The following SLC26A4 variants were observed in gnomAD, a reference collection of about 807,000 sequenced individuals.
The protein encoded by SLC26A4 is pendrin.
A neutral mutation model predicts 90.4 loss-of-function variants in SLC26A4; 93 were observed. The ratio of observed to expected loss-of-function variants is 1.03; its 90% CI spans 0.87 to 1.22. The LOEUF (loss-of-function observed/expected upper bound fraction) is 1.22. Ranked by LOEUF, SLC26A4 falls within the 50% of genes most tolerant of loss-of-function variation. The pLI, the probability that SLC26A4 is intolerant of heterozygous loss-of-function variation, is 0.00. For synonymous variants in SLC26A4, 393 were observed against 354.6 expected (o/e 1.11, Z -1.22); for missense variants, 1,127 against 946.2 (o/e 1.19, Z -2.51).
chr7:107,696,283 A>G (rs1393707957), intron 13 of SLC26A4, among the ~76,000 whole-genome samples: 2 of 152,226 alleles, frequency 1.3e-5, no homozygotes, highest in Non-Finnish European at 2.9e-5. Context: ...GCTAAGAAGC[A>G]TCCCTAAGAT....
chr7:107,671,654 A>G (rs1486654461), intron 3 of SLC26A4, among the ~76,000 whole-genome samples: 2 of 152,246 alleles, frequency 1.3e-5, no homozygotes, highest in African/African-American at 2.4e-5. Flanking sequence ...AGACCAACTC[A>G]GGACAGGCTG....
chr7:107,663,610 TG>T (rs1790631881), intron 3 of SLC26A4, among the ~76,000 whole-genome samples, 175 bp downstream of exon 3: 1 of 152,188 alleles, frequency 6.6e-6, no homozygotes, highest in Non-Finnish European at 1.5e-5. Context: ...GTTCTCTTCC[TG>T]GGAAACTGCT....
intron 8 of SLC26A4, among the ~76,000 whole-genome samples, chr7:107,686,277 C>T (rs1361347830): frequency 7.3e-6 from 1 of 136,964 alleles, no homozygotes; most frequent in East Asian, 2.4e-4. Context: ...TCCTTCCCTC[C>T]CTTCCCTCCC....
chr7:107,686,635 A>G (rs916005873), intron 8 of SLC26A4, among the ~76,000 whole-genome samples: 3 of 151,894 alleles, frequency 2.0e-5, no homozygotes, highest in Non-Finnish European at 2.9e-5. Flanking sequence ...CAACAGGCAC[A>G]CACTGCCATG....
intron 12 of SLC26A4, among the ~76,000 whole-genome samples, chr7:107,695,294 C>T (rs953236967): frequency 1.4e-4 from 21 of 151,790 alleles, no homozygotes; most frequent in Admixed American, 2.6e-4. Flanking sequence ...GAAATAAAAG[C>T]GGATACAAGG....
At chr7:107,696,332 A>T (rs1791742463) in intron 13 of SLC26A4, among the ~76,000 whole-genome samples, 2 of 152,198 alleles carry the variant, frequency 1.3e-5, no homozygotes, top group Admixed American at 6.5e-5. Context: ...ATTTGAACCT[A>T]TGTACCTACT....
At chr7:107,690,032 G>A in intron 9 of SLC26A4, 92 bp from the exon 10 acceptor site, 2 of 831,880 alleles carry the variant, frequency 2.4e-6, no homozygotes, top group Non-Finnish European at 4.3e-6. Flanking sequence ...AGGCATGGGA[G>A]TTTTCATTCT....
rs147078785 is a variant in SLC26A4 at position 107,675,080 on chromosome 7, A to C, written c.736A>C (p.Asn246His). ...LKIVLNVSTKNYNGVLSIIYT... is the reference protein window; with the variant it reads ...LKIVLNVSTKHYNGVLSIIYT... ...GATTGTCCTCAATGTTTCAACCAAAAACTACAATGGAGTTCTCTCTATTAT... is the reference window on the plus strand; with the variant it reads ...GATTGTCCTCAATGTTTCAACCAAACACTACAATGGAGTTCTCTCTATTAT... Residue 246 changes from asparagine to histidine, a missense_variant, in exon 6 of 21, where the codon AAC (asparagine) becomes CAC (histidine). Coordinates refer to ENST00000644269, the MANE Select transcript of SLC26A4 (RefSeq NM_000441.2). 10 of 1,613,922 alleles carry C rather than the reference A, an allele frequency of 6.2e-6. No homozygotes were observed. Among genetic ancestry groups the C allele is most frequent in the Middle Eastern group, 1.6e-4 (1 of 6,084 alleles).
intron 3 of SLC26A4, among the ~76,000 whole-genome samples, chr7:107,665,218 A>C (rs559080483): frequency 6.4e-4 from 98 of 152,310 alleles, no homozygotes; most frequent in Non-Finnish European, 1.2e-3. Flanking sequence ...TTCAGAAGCT[A>C]GTAATGAATG....
rs768805728 is a variant in SLC26A4, at chr7:107,672,175, A to G, written c.342A>G (p.Gly114=). 3.1e-6 allele frequency: 5 copies of G among 1,613,072 alleles called. No individual in the cohort carries two copies. In the South Asian group the frequency reaches 4.4e-5, roughly 14 times the overall value. The part of the protein sequence containing the change: ...AYALLAAVPV[G]YGLYSAFFPI... ...CCCTACTAGCTGCAGTTCCTGTCGG[A>G]TATGGTCTCTACTCTGCTTTTTTCC... is the stretch of plus-strand genomic sequence containing the variant. Residue 114 remains glycine (G), a synonymous_variant, in exon 4 of 21, where the codon GGA becomes GGG. Transcript: ENST00000644269.
chr7:107,710,083 G>A lies in SLC26A4; in HGVS notation c.2119G>A (p.Gly707Arg), dbSNP rs372072732. 21 of 1,612,792 alleles carry A rather than the reference G, an allele frequency of 1.3e-5. No homozygotes were observed. The highest frequency in any genetic ancestry group is 1.6e-4 in the Middle Eastern group (1 of 6,080). Residue 707 changes from glycine (G) to arginine (R), a missense_variant, in exon 19 of 21, where the codon GGG becomes AGG. Transcript: ENST00000644269. ...TGTGATAGAAAAGCTGGAGCAATGC[G>A]GGTTCTTTGACGACAACATTAGAAA... ...DYVIEKLEQC[G>R]FFDDNIRKDT... is the part of the protein sequence containing the mutation.
At position 107,716,257 on chromosome 7, in the gene SLC26A4, G is replaced by A. The variant is rs1289407897; in HGVS notation, c.*811G>A. 1 of 152,100 alleles carries A rather than the reference G, an allele frequency of 6.6e-6. No homozygotes were observed. The highest frequency in any genetic ancestry group is 2.4e-5 in the African/African-American group (1 of 41,410). 9.4% of individuals were successfully genotyped at this position (152,100 alleles called of 1,614,324 possible). A position where few individuals can be genotyped will look rare whatever the true frequency, so the allele number is the denominator to read the frequency against. On this transcript the variant is annotated 3_prime_UTR_variant, in exon 21 of 21. Coordinates refer to ENST00000644269, the MANE Select transcript of SLC26A4 (RefSeq NM_000441.2). The stretch of plus-strand genomic sequence containing the variant: ...TCTATAGAAATGATCATTGCATGGA[G>A]GCATGTATAGGTATGATCTGTGTAA...
At chr7:107,693,599 A>G in intron 10 of SLC26A4, 1 of 985,568 alleles carries the variant, frequency 1.0e-6, no homozygotes, top group Non-Finnish European at 1.2e-6. Flanking sequence ...TCAACAGAGA[A>G]TTCATTGGTC....
intron 6 of SLC26A4, among the ~76,000 whole-genome samples, chr7:107,682,133 T>TAAAAAAAAAAA (rs1401520972): frequency 4.9e-5 from 2 of 40,882 alleles, no homozygotes; most frequent in African/African-American, 1.4e-4. Flanking sequence ...AAAAAAAATT[T>TAAAAAAAAAAA]TTTTTATGTT....
chr7:107,661,615 T>C lies in SLC26A4; in HGVS notation c.-3-24T>C. 1 of 1,546,764 alleles carries C rather than the reference T, an allele frequency of 6.5e-7. No individual in the cohort carries two copies. Among genetic ancestry groups the C allele is most frequent in the Non-Finnish European group, 8.7e-7 (1 of 1,151,232 alleles). The stretch of plus-strand genomic sequence containing the variant: ...GTCCTCGCTTACCGCGTGTCCTCCC[T>C]CCTCGCTGTCCTCTGGCTCGCAGGT... On this transcript the variant is annotated intron_variant, in intron 1 of 20. Transcript: ENST00000644269. This position sits in a 1 kb window ranked among gnomAD's most constrained non-coding sequence, Gnocchi z 5.1.
At chr7:107,689,010 G>A (rs1216880776) in intron 8 of SLC26A4, 43 bp from the exon 9 acceptor site, 3 of 1,608,002 alleles carry the variant, frequency 1.9e-6, no homozygotes, top group Non-Finnish European at 1.7e-6. Flanking sequence ...AAAAAGGATG[G>A]TGGTCAAATC....
intron 17 of SLC26A4, among the ~76,000 whole-genome samples, chr7:107,702,315 T>C (rs1791918346): frequency 6.6e-6 from 1 of 152,164 alleles, no homozygotes; most frequent in Non-Finnish European, 1.5e-5. Flanking sequence ...TCTTCATCTG[T>C]AATATGGAGG....
intron 14 of SLC26A4, among the ~76,000 whole-genome samples, chr7:107,699,017 G>A (rs192268553): frequency 1.6e-4 from 24 of 152,254 alleles, no homozygotes; most frequent in Admixed American, 1.1e-3. Context: ...GGAAGTTGTA[G>A]TCTAATTTTA....
At chr7:107,695,749 G>C (rs1158608428) in intron 12 of SLC26A4, among the ~76,000 whole-genome samples, 184 bp from the exon 13 acceptor site, 3 of 152,096 alleles carry the variant, frequency 2.0e-5, no homozygotes, top group Non-Finnish European at 2.9e-5. Context: ...GAAGATGGAG[G>C]CTGCAGTGAA....
Sources: allele counts gnomAD v4.1 joint callset (sites outside exome capture counted in the v4.1 genomes callset), GRCh38; gene constraint gnomAD v4.1.1; non-coding constraint Gnocchi (gnomAD v3.1); transcripts MANE v1.5; gene names NCBI Gene and HGNC (gene_info 2026-07-23, HGNC 2026-07-21).